ARB2A: variants seen among roughly 807,000 people sequenced by gnomAD.
The protein encoded by ARB2A is ARB2 cotranscriptional regulator A.
chr5:93,936,358 T>C, the ARB2A span, among the ~76,000 whole-genome samples: 1 of 151,994 alleles, frequency 6.6e-6, no homozygotes, highest in Non-Finnish European at 1.5e-5. Context: ...ACTTGAAGAG[T>C]TTTATGAAAA....
chr5:93,918,674 G>A, the ARB2A span, among the ~76,000 whole-genome samples: 10 of 152,058 alleles, frequency 6.6e-5, no homozygotes, highest in Non-Finnish European at 1.5e-4. Flanking sequence ...TGCCCGTCTC[G>A]GCCTCCCAAA....
At chr5:93,740,788 T>C in the ARB2A span, 19 of 1,612,636 alleles carry the variant, frequency 1.2e-5, no homozygotes, top group African/African-American at 2.7e-5. Context: ...GCTGCGGTTA[T>C]AGAACCAAAC....
At chr5:93,936,646 T>C in the ARB2A span, among the ~76,000 whole-genome samples, 1 of 152,170 alleles carries the variant, frequency 6.6e-6, no homozygotes, top group South Asian at 2.1e-4. Context: ...TAATATATGA[T>C]TACTATATAT....
At chr5:93,841,997 T>G in the ARB2A span, among the ~76,000 whole-genome samples, 1 of 152,292 alleles carries the variant, frequency 6.6e-6, no homozygotes, top group African/African-American at 2.4e-5. Context: ...ATTATTAATT[T>G]TCTGCCATTT....
At chr5:93,806,232 C>T in the ARB2A span, among the ~76,000 whole-genome samples, 2 of 151,892 alleles carry the variant, frequency 1.3e-5, no homozygotes, top group African/African-American at 4.8e-5. Flanking sequence ...TTCTTAAGTA[C>T]TTGAAGAGGT....
chr5:93,813,680 A>G, the ARB2A span, among the ~76,000 whole-genome samples: 4 of 152,202 alleles, frequency 2.6e-5, no homozygotes, highest in African/African-American at 9.6e-5. Context: ...GACAGGAAGT[A>G]TGCCCTCACT....
the ARB2A span, among the ~76,000 whole-genome samples, chr5:93,947,821 C>T: frequency 4.6e-5 from 7 of 151,376 alleles, no homozygotes; most frequent in African/African-American, 1.7e-4. Context: ...CCAATTTCAT[C>T]CACGTCCCTA....
At chr5:93,960,081 G>GTCC in the ARB2A span, among the ~76,000 whole-genome samples, 1 of 39,080 alleles carries the variant, frequency 2.6e-5, no homozygotes, top group African/African-American at 1.1e-4. Flanking sequence ...AACTCTAGAT[G>GTCC]CCCCCCCCCC....
chr5:93,759,605 T>G, the ARB2A span, among the ~76,000 whole-genome samples: 2 of 152,142 alleles, frequency 1.3e-5, no homozygotes, highest in African/African-American at 4.8e-5. Flanking sequence ...TGCAAGTCAA[T>G]AAATGTGATA....
the ARB2A span, among the ~76,000 whole-genome samples, chr5:93,907,627 T>C: frequency 6.6e-6 from 1 of 151,508 alleles, no homozygotes; most frequent in South Asian, 2.1e-4. Context: ...CTGTCATTTA[T>C]ACCAGAATAT....
chr5:93,958,538 T>C, the ARB2A span, among the ~76,000 whole-genome samples: 5 of 152,036 alleles, frequency 3.3e-5, no homozygotes, highest in Admixed American at 3.3e-4. Context: ...ATTAAAAATA[T>C]TTTAGAAAAA....
chr5:93,909,566 C>T, the ARB2A span, among the ~76,000 whole-genome samples: 1 of 150,800 alleles, frequency 6.6e-6, no homozygotes, highest in African/African-American at 2.4e-5. Context: ...ACCTCTGCCC[C>T]CTGCTGCCCA....
chr5:94,033,310 C>T, the ARB2A span, among the ~76,000 whole-genome samples: 1 of 152,088 alleles, frequency 6.6e-6, no homozygotes, highest in Non-Finnish European at 1.5e-5. Flanking sequence ...GGCTCACAAC[C>T]AGAAGGAGTG....
the ARB2A span, among the ~76,000 whole-genome samples, chr5:93,832,065 T>C: frequency 4.6e-5 from 7 of 152,178 alleles, no homozygotes; most frequent in Non-Finnish European, 1.0e-4. Context: ...TGATATCCAT[T>C]GACTAAAAAA....
At chr5:94,010,436 G>T in the ARB2A span, among the ~76,000 whole-genome samples, 4 of 151,942 alleles carry the variant, frequency 2.6e-5, no homozygotes, top group South Asian at 8.3e-4. Flanking sequence ...TCCTTTTGGG[G>T]CTTGTATTAC....
chr5:93,987,518 C>G, the ARB2A span, among the ~76,000 whole-genome samples: 1 of 152,288 alleles, frequency 6.6e-6, no homozygotes, highest in East Asian at 1.9e-4. Flanking sequence ...ATCTCCATCT[C>G]AACTCCATTT....
chr5:94,076,250 C>T, the ARB2A span, among the ~76,000 whole-genome samples: 1 of 152,146 alleles, frequency 6.6e-6, no homozygotes, highest in East Asian at 1.9e-4. Context: ...CTTACTGTTA[C>T]TCAATGGTGT....
chr5:93,992,852 T>C, the ARB2A span, among the ~76,000 whole-genome samples: 1 of 152,082 alleles, frequency 6.6e-6, no homozygotes, highest in Admixed American at 6.5e-5. Context: ...AAATCTTTTC[T>C]CAAAGTGTGA....
At chr5:93,659,671 A>G in the ARB2A span, among the ~76,000 whole-genome samples, 3 of 152,156 alleles carry the variant, frequency 2.0e-5, no homozygotes, top group African/African-American at 7.2e-5. Flanking sequence ...CATCACCACC[A>G]TGCTCACTGA....
Sources: allele counts gnomAD v4.1 joint callset (sites outside exome capture counted in the v4.1 genomes callset), GRCh38; gene constraint gnomAD v4.1.1; transcripts MANE v1.5; gene names NCBI Gene and HGNC (gene_info 2026-07-23, HGNC 2026-07-21).